VRK2: variants seen among roughly 807,000 people sequenced by gnomAD.
VRK2 encodes serine/threonine-protein kinase VRK2.
Under a neutral mutation model 57.6 loss-of-function variants are expected in VRK2, and 60 were observed. The ratio of observed to expected loss-of-function variants is 1.04; its 90% confidence interval spans 0.85 to 1.29. The LOEUF (loss-of-function observed/expected upper bound fraction) is 1.29, where lower values mean the gene tolerates loss of function less well. Among genes scored for constraint, VRK2 ranks in the 50% most tolerant of loss-of-function variants. The probability of loss-of-function intolerance (pLI) is 0.00; values close to 1 mark genes in which losing one functional copy is unlikely to be tolerated. For missense variants in VRK2, 705 were observed against 588.1 expected (o/e 1.20, Z -2.06); for synonymous variants, 231 against 199.2 (o/e 1.16, Z -1.35).
intron 1 of VRK2, among the ~76,000 whole-genome samples, chr2:57,919,791 A>C (rs1209841582): frequency 6.6e-6 from 1 of 152,100 alleles, no homozygotes; most frequent in Admixed American, 6.6e-5. Flanking sequence ...ATGGGAAAAC[A>C]CTAATCCATT....
At chr2:57,950,199 T>A (rs1342420416) in intron 1 of VRK2, among the ~76,000 whole-genome samples, 1 of 152,186 alleles carries the variant, frequency 6.6e-6, no homozygotes, top group African/African-American at 2.4e-5. Flanking sequence ...AACAATACAT[T>A]TTCCATGTAG....
chr2:58,124,217 T>C (rs1034451156), intron 8 of VRK2, among the ~76,000 whole-genome samples: 2 of 152,144 alleles, frequency 1.3e-5, no homozygotes, highest in African/African-American at 4.8e-5. Context: ...TACACTGCAG[T>C]CCAAATCCAA....
chr2:58,023,610 A>G (rs1344852019), intron 1 of VRK2, among the ~76,000 whole-genome samples: 1 of 152,226 alleles, frequency 6.6e-6, no homozygotes, highest in Non-Finnish European at 1.5e-5. Context: ...AAATTAAAAT[A>G]AAATGTCTGC....
chr2:58,071,452 G>GA (rs1273566440), intron 2 of VRK2, among the ~76,000 whole-genome samples: 4 of 151,964 alleles, frequency 2.6e-5, no homozygotes, highest in Non-Finnish European at 4.4e-5. Flanking sequence ...TTAGGTTTAT[G>GA]ATCCATTTTG....
At chr2:58,096,340 A>G (rs1278242473) in intron 7 of VRK2, among the ~76,000 whole-genome samples, 1 of 152,078 alleles carries the variant, frequency 6.6e-6, no homozygotes, top group Non-Finnish European at 1.5e-5. Flanking sequence ...TTTCTGTTAC[A>G]TTGGAACCAT....
intron 1 of VRK2, among the ~76,000 whole-genome samples, chr2:57,938,573 A>T (rs1670993023): frequency 6.6e-6 from 1 of 152,178 alleles, no homozygotes; most frequent in Non-Finnish European, 1.5e-5. Context: ...GATTGAAATA[A>T]CAGCTTATTC....
chr2:57,961,554 T>A (rs186182181), intron 1 of VRK2, among the ~76,000 whole-genome samples: 1 of 152,242 alleles, frequency 6.6e-6, no homozygotes, highest in East Asian at 1.9e-4. Flanking sequence ...CATGCTATAC[T>A]GATCCTTGAA....
At chr2:58,140,979 C>G (rs949732629) in intron 11 of VRK2, among the ~76,000 whole-genome samples, 1 of 151,996 alleles carries the variant, frequency 6.6e-6, no homozygotes, top group Non-Finnish European at 1.5e-5. Context: ...ACCTTTCTCT[C>G]ATGATACAAT....
chr2:58,127,967 C>T lies in VRK2; in HGVS notation c.677-3841C>T, dbSNP rs1431834074. ...TGAATTGGGCTAGTTAATTTTATTC[C>T]AGTTTGTCTTTAAACCAAGGACTAG... On this transcript the variant is annotated intron_variant, in intron 8 of 12. Coordinates refer to ENST00000340157, the MANE Select transcript of VRK2 (RefSeq NM_006296.7). Among the ~76,000 whole-genome samples the T allele has an allele frequency of 3.3e-5, 5 of 152,212 alleles. No individual in the cohort carries two copies. In the South Asian group the frequency reaches 6.2e-4, roughly 19 times the overall value.
chr2:58,126,975 C>T (rs995132855), intron 8 of VRK2, among the ~76,000 whole-genome samples: 1 of 151,996 alleles, frequency 6.6e-6, no homozygotes, highest in East Asian at 1.9e-4. Context: ...AGATATACTG[C>T]ATTTAACATA....
At chr2:58,019,204 C>G (rs541653277) in intron 1 of VRK2, among the ~76,000 whole-genome samples, 4 of 152,106 alleles carry the variant, frequency 2.6e-5, no homozygotes, top group African/African-American at 4.8e-5. Flanking sequence ...AACATTAGAA[C>G]AATAAGGAGA....
intron 7 of VRK2, among the ~76,000 whole-genome samples, chr2:58,103,621 A>G (rs1331847858): frequency 6.6e-6 from 1 of 151,756 alleles, no homozygotes; most frequent in East Asian, 1.9e-4. Context: ...TAACAAACAA[A>G]AAAAGCCAGT....
intron 7 of VRK2, among the ~76,000 whole-genome samples, chr2:58,122,822 T>C (rs115538868): frequency 0.014 from 2,181 of 152,288 alleles, 53 homozygotes; most frequent in African/African-American, 0.049. Flanking sequence ...GATGTCTAGA[T>C]GCCCACCTGG....
intron 6 of VRK2, 58 bp from the exon 7 acceptor site, chr2:58,089,572 GA>G: frequency 9.3e-6 from 10 of 1,070,964 alleles, no homozygotes; most frequent in Non-Finnish European, 1.3e-5. Flanking sequence ...TCAAAATGTT[GA>G]AATTGATCAT....
chr2:58,061,983 A>T (rs1377532850), intron 2 of VRK2, among the ~76,000 whole-genome samples: 1 of 151,886 alleles, frequency 6.6e-6, no homozygotes, highest in Non-Finnish European at 1.5e-5. Flanking sequence ...ACATCACTTT[A>T]TTGTGCTTTG....
At chr2:58,016,016 G>A (rs1431710306) in intron 1 of VRK2, among the ~76,000 whole-genome samples, 1 of 151,588 alleles carries the variant, frequency 6.6e-6, no homozygotes, top group African/African-American at 2.4e-5. Flanking sequence ...TTTCTTTGAT[G>A]ATTGGTTCTC....
intron 1 of VRK2, among the ~76,000 whole-genome samples, chr2:58,001,262 A>G (rs1274824288): frequency 6.6e-6 from 1 of 152,200 alleles, no homozygotes; most frequent in Non-Finnish European, 1.5e-5. Flanking sequence ...ATTCCTCCTG[A>G]TATTCAATTA....
At chr2:58,113,450 G>A (rs1675896528) in intron 7 of VRK2, among the ~76,000 whole-genome samples, 2 of 152,206 alleles carry the variant, frequency 1.3e-5, no homozygotes, top group Non-Finnish European at 2.9e-5. Flanking sequence ...GGGTCCGTGT[G>A]AAGAGACCAC....
intron 7 of VRK2, among the ~76,000 whole-genome samples, chr2:58,094,393 T>G (rs925220979): frequency 2.0e-5 from 3 of 152,210 alleles, no homozygotes; most frequent in East Asian, 1.9e-4. Context: ...CCCTTGTAAG[T>G]TGGATTCCTA....
Sources: allele counts gnomAD v4.1 joint callset (sites outside exome capture counted in the v4.1 genomes callset), GRCh38; gene constraint gnomAD v4.1.1; transcripts MANE v1.5; gene names NCBI Gene and HGNC (gene_info 2026-07-23, HGNC 2026-07-21).